Variants in TET1 observed in about 807,000 individuals in gnomAD.
TET1 encodes the protein tet methylcytosine dioxygenase 1.
Under a neutral mutation model 148.7 loss-of-function variants are expected in TET1, and 13 were observed. The observed-to-expected ratio is 0.09, with a 90% CI of 0.06 to 0.14. The LOEUF (loss-of-function observed/expected upper bound fraction) is 0.14, where lower values mean the gene tolerates loss of function less well. Ranked by LOEUF, TET1 falls within the 10% of genes least tolerant of loss-of-function variation. The pLI, the probability that TET1 is intolerant of heterozygous loss-of-function variation, is 1.00. For missense variants in TET1, 2,182 were observed against 2,553.8 expected, an observed-to-expected ratio of 0.85 and a Z score of 3.14; for synonymous variants, 907 against 937.2, an observed-to-expected ratio of 0.97 and a Z score of 0.59.
chr10:68,642,517 C>T (rs935181404), intron 3 of TET1, among the ~76,000 whole-genome samples: 3 of 152,056 alleles, frequency 2.0e-5, no homozygotes, highest in Non-Finnish European at 4.4e-5. Context: ...CAGCATTTCT[C>T]TTTGGGGTTT....
intron 3 of TET1, among the ~76,000 whole-genome samples, chr10:68,602,979 T>C (rs748368092): frequency 3.3e-5 from 5 of 152,136 alleles, no homozygotes; most frequent in Non-Finnish European, 7.3e-5. Context: ...ATAGAGCAAA[T>C]GTAGAATATT....
rs72799549 is a variant in TET1 at position 68,684,391 on chromosome 10, T to G, written c.5052+1418T>G. On this transcript the variant is annotated intron_variant, in intron 10 of 11. Transcript: ENST00000373644. ...CCACAACAACTTTTTTTTTTTTTTT[T>G]GCGTATCATTCCTGTATACAAAAAT... 2.1e-3 allele frequency among the ~76,000 whole-genome samples: 318 copies of G among 150,644 alleles called. 4 individuals carry two copies. The highest frequency in any genetic ancestry group is 0.014 in the East Asian group (70 of 5,126).
At chr10:68,683,100 G>C (rs986150805) in intron 10 of TET1, 127 bp downstream of exon 10, 1 of 1,131,456 alleles carries the variant, frequency 8.8e-7, no homozygotes, top group African/African-American at 2.0e-5. Context: ...GAAATAAGTG[G>C]AAAATAAAGT....
At chr10:68,676,185 G>GTGTA (rs1389468377) in intron 8 of TET1, among the ~76,000 whole-genome samples, 1 of 138,476 alleles carries the variant, frequency 7.2e-6, no homozygotes, top group East Asian at 2.0e-4. Flanking sequence ...GTGTGTGTGT[G>GTGTA]TATACACAAG....
At chr10:68,661,038 T>G (rs2055102320) in intron 6 of TET1, among the ~76,000 whole-genome samples, 2 of 151,706 alleles carry the variant, frequency 1.3e-5, no homozygotes, top group Non-Finnish European at 2.9e-5. Context: ...TTTTTGTTTT[T>G]GTTTTTTTTG....
chr10:68,624,650 TTCTTTCTTTCTCTCTCTCTCTCTC>T lies in TET1; in HGVS notation c.1969-20044_1969-20021del, dbSNP rs1295570125. Among the ~76,000 whole-genome samples, 130 of 57,066 alleles carry T rather than the reference TTCTTTCTTTCTCTCTCTCTCTCTC, an allele frequency of 2.3e-3. 3 individuals carry two copies. In the East Asian group the frequency reaches 0.023, roughly 10 times the overall value. The allele number at this position is 57,066 out of a possible 152,430, so 37.4% of individuals were successfully genotyped here. On this transcript the variant is annotated intron_variant, in intron 3 of 11. Transcript: ENST00000373644. ...TTTCTTTCTTTCTTTCTTTCTTTCTTTCTTTCTTTCTCTCTCTCTCTCTCTCTCTCTCTCTCTCTCTCTCTCTTT... is the reference window on the plus strand; with the variant it reads ...TTTCTTTCTTTCTTTCTTTCTTTCTTTCTCTCTCTCTCTCTCTCTCTCTTT...
chr10:68,654,843 A>T (rs964633938), intron 6 of TET1, among the ~76,000 whole-genome samples: 3 of 152,206 alleles, frequency 2.0e-5, no homozygotes, highest in Non-Finnish European at 4.4e-5. Flanking sequence ...GGATGCAATC[A>T]TCTGAAAACT....
At chr10:68,579,722 A>G (rs1311664607) in intron 2 of TET1, among the ~76,000 whole-genome samples, 2 of 152,234 alleles carry the variant, frequency 1.3e-5, no homozygotes, top group Non-Finnish European at 2.9e-5. Context: ...TAGATTCATT[A>G]GCAGGGAATA....
chr10:68,585,318 G>A (rs1378073683), intron 2 of TET1, among the ~76,000 whole-genome samples: 2 of 151,948 alleles, frequency 1.3e-5, no homozygotes, highest in African/African-American at 4.8e-5. Flanking sequence ...GTTTTTAATA[G>A]AGACGTGATT....
At chr10:68,585,167 G>C (rs897402102) in intron 2 of TET1, among the ~76,000 whole-genome samples, 24 of 152,194 alleles carry the variant, frequency 1.6e-4, no homozygotes, top group Non-Finnish European at 3.4e-4. Flanking sequence ...ACCACACCAG[G>C]CTAATTTTGT....
chr10:68,673,966 T>C (rs1426479711), intron 8 of TET1, among the ~76,000 whole-genome samples: 13 of 143,864 alleles, frequency 9.0e-5, no homozygotes, highest in South Asian at 2.2e-4. Flanking sequence ...TTTTCTTTTT[T>C]TTTTTTTTTT....
chr10:68,582,933 C>T (rs970762805), intron 2 of TET1, among the ~76,000 whole-genome samples: 4 of 152,132 alleles, frequency 2.6e-5, no homozygotes, highest in Admixed American at 1.3e-4. Context: ...AGTAGATATT[C>T]GTGTATAACC....
intron 3 of TET1, among the ~76,000 whole-genome samples, chr10:68,624,662 C>CTTTCTT (rs1564975112): frequency 0.04 from 3,179 of 80,462 alleles, 96 homozygotes; most frequent in East Asian, 0.047. Flanking sequence ...CTTTCTTTCT[C>CTTTCTT]TCTCTCTCTC....
chr10:68,588,154 G>A (rs2053880737), intron 2 of TET1, among the ~76,000 whole-genome samples: 1 of 152,080 alleles, frequency 6.6e-6, no homozygotes, highest in Non-Finnish European at 1.5e-5. Context: ...CGGCCACCTT[G>A]CCTGGCTTTT....
intron 9 of TET1, 53 bp from the exon 10 acceptor site, chr10:68,682,783 G>A (rs1241462334): frequency 6.4e-6 from 10 of 1,557,048 alleles, no homozygotes; most frequent in Non-Finnish European, 8.7e-6. Context: ...TTTACTGAAG[G>A]TAGGTGATTT....
chr10:68,655,570 T>C (rs541538038), intron 6 of TET1, among the ~76,000 whole-genome samples: 1 of 152,320 alleles, frequency 6.6e-6, no homozygotes, highest in African/African-American at 2.4e-5. Flanking sequence ...TTGGTGGGAT[T>C]GGGATGATTT....
At chr10:68,640,706 C>T (rs1459017450) in intron 3 of TET1, among the ~76,000 whole-genome samples, 2 of 151,104 alleles carry the variant, frequency 1.3e-5, no homozygotes, top group Non-Finnish European at 2.9e-5. Context: ...CGCCTGCCAC[C>T]ACACCCGGCT....
At chr10:68,678,645 GT>G (rs745644742) in intron 8 of TET1, among the ~76,000 whole-genome samples, 1 of 152,000 alleles carries the variant, frequency 6.6e-6, no homozygotes, top group Non-Finnish European at 1.5e-5. Context: ...GGCTACTCAA[GT>G]GCCTGAGGCA....
Position 68,646,377 on chromosome 10 carries a change from G to A in TET1, c.3648G>A (p.Ser1216=), listed in dbSNP as rs144122659. The A allele has an allele frequency of 9.9e-6, 16 of 1,613,936 alleles. 2 individuals are homozygous for A. The highest frequency in any genetic ancestry group is 8.8e-5 in the South Asian group (8 of 91,042). The change falls in exon 4 of 12, where the codon TCG becomes TCA. Residue 1216 remains serine, a synonymous_variant. Transcript: ENST00000373644. The part of the protein sequence containing the change: ...FPTVFGKISS[S]TKIWKPLAQT... ...CTGTATTTGGGAAAATTTCTTCCTC[G>A]ACCAAAATATGGAAACCACTGGCTC... is the stretch of plus-strand genomic sequence containing the variant.
Sources: allele counts gnomAD v4.1 joint callset (sites outside exome capture counted in the v4.1 genomes callset), GRCh38; gene constraint gnomAD v4.1.1; transcripts MANE v1.5; gene names NCBI Gene and HGNC (gene_info 2026-07-23, HGNC 2026-07-21).